The following EREG variants were observed in gnomAD, a reference collection of about 807,000 sequenced individuals.
EREG encodes the protein epiregulin.
Under a neutral mutation model 22.4 loss-of-function variants are expected in EREG, and 23 were observed. The observed-to-expected ratio is 1.03, with a 90% confidence interval of 0.74 to 1.46. The LOEUF (loss-of-function observed/expected upper bound fraction) is 1.46, where lower values mean the gene tolerates loss of function less well. Among genes scored for constraint, EREG ranks in the 40% most tolerant of loss-of-function variants. The pLI is 0.00. For missense variants in EREG, 226 were observed against 205.9 expected (o/e 1.10, Z -0.60); for synonymous variants, 100 against 75.4 (o/e 1.33, Z -1.69).
chr4:74,367,666 T>C lies in EREG; in HGVS notation c.67+2291T>C, dbSNP rs549142175. Among the ~76,000 whole-genome samples, 32 of 152,298 alleles carry C rather than the reference T, an allele frequency of 2.1e-4. No individual in the cohort carries two copies. In the South Asian group the frequency reaches 3.1e-3, roughly 15 times the overall value. On this transcript the variant is annotated intron_variant, in intron 1 of 4. Transcript: ENST00000244869. ...AGGAGCATAAATCTCAATGAGACAATAGGCTTGTCTTTGATCATTTCTGTT... is the reference window on the plus strand; with the variant it reads ...AGGAGCATAAATCTCAATGAGACAACAGGCTTGTCTTTGATCATTTCTGTT...
Position 74,384,904 on chromosome 4 carries a change from A to ATTGACCTAACACTT in EREG, c.*96_*97insTTGACCTAACACTT. ...TAATATTTATGTTGGGTCAAGTGTT[A>ATTGACCTAACACTT]GGTCAATAACACTGTATTTTAATGT... On this transcript the variant is annotated 3_prime_UTR_variant, in exon 5 of 5. Coordinates refer to ENST00000244869, the MANE Select transcript of EREG (RefSeq NM_001432.3). 2.8e-6 allele frequency: 2 copies of ATTGACCTAACACTT among 704,240 alleles called. No individual in the cohort carries two copies. Among genetic ancestry groups the ATTGACCTAACACTT allele is most frequent in the Non-Finnish European group, 4.9e-6 (2 of 408,816 alleles). The allele number at this position is 704,240 out of a possible 1,614,324, so 43.6% of individuals were successfully genotyped here. A position where few individuals can be genotyped will look rare whatever the true frequency, so the allele number is the denominator to read the frequency against.
At chr4:74,368,202 A>G (rs1752223528) in intron 1 of EREG, among the ~76,000 whole-genome samples, 1 of 152,152 alleles carries the variant, frequency 6.6e-6, no homozygotes, top group African/African-American at 2.4e-5. Flanking sequence ...CACATGTACA[A>G]ATGGACTTTC....
chr4:74,376,493 A>T (rs1485786829), intron 1 of EREG, among the ~76,000 whole-genome samples: 1 of 152,258 alleles, frequency 6.6e-6, no homozygotes, highest in East Asian at 1.9e-4. Flanking sequence ...ATTGGGATAT[A>T]AAACAAAATT....
intron 1 of EREG, among the ~76,000 whole-genome samples, chr4:74,369,828 A>T (rs1447048604): frequency 6.6e-6 from 1 of 152,162 alleles, no homozygotes; most frequent in South Asian, 2.1e-4. Flanking sequence ...ATCCGAAAAA[A>T]AAAAGGTTGT....
intron 1 of EREG, among the ~76,000 whole-genome samples, chr4:74,367,259 T>A (rs1219890296): frequency 1.3e-5 from 2 of 152,234 alleles, no homozygotes; most frequent in African/African-American, 4.8e-5. Context: ...TCTTGTTTTA[T>A]AAATTGGGGA....
At position 74,386,583 on chromosome 4, in the gene EREG, A is replaced by G. The variant is rs926794345; in HGVS notation, c.*1775A>G. On this transcript the variant is annotated 3_prime_UTR_variant, in exon 5 of 5. Transcript: ENST00000244869. ...TTATATAAAACTTAAAAACAAGAGAAAAGAAAAATCAATTAGATCTAAACA... is the reference window on the plus strand; with the variant it reads ...TTATATAAAACTTAAAAACAAGAGAGAAGAAAAATCAATTAGATCTAAACA... 1.2e-4 allele frequency: 19 copies of G among 152,314 alleles called. No homozygotes were observed. The highest frequency in any genetic ancestry group is 9.2e-4 in the Admixed American group (14 of 15,296). 9.4% of individuals were successfully genotyped at this position (152,314 alleles called of 1,614,324 possible).
At chr4:74,380,102 G>A (rs887282732) in intron 2 of EREG, among the ~76,000 whole-genome samples, 1 of 152,144 alleles carries the variant, frequency 6.6e-6, no homozygotes, top group Non-Finnish European at 1.5e-5. Context: ...ATGGTCCAAG[G>A]GGGATCAGCT....
At chr4:74,365,832 G>C (rs1161668709) in intron 1 of EREG, among the ~76,000 whole-genome samples, 2 of 152,098 alleles carry the variant, frequency 1.3e-5, no homozygotes, top group African/African-American at 4.8e-5. Context: ...CTTGCGCTCA[G>C]TTTTCTAAAA....
chr4:74,382,547 T>C, intron 3 of EREG, 98 bp from the exon 4 acceptor site: 1 of 936,696 alleles, frequency 1.1e-6, no homozygotes, highest in South Asian at 2.0e-5. Context: ...TGTTGATTTC[T>C]TGCATTACAG....
chr4:74,374,083 AAG>A, intron 1 of EREG, among the ~76,000 whole-genome samples: 2 of 152,332 alleles, frequency 1.3e-5, no homozygotes, highest in African/African-American at 4.8e-5. Context: ...AGTGTGAACA[AAG>A]AGGATTTTGC....
chr4:74,384,723 C>A lies in EREG; in HGVS notation c.429-4C>A, dbSNP rs751323778. The A allele has an allele frequency of 1.2e-4, 183 of 1,588,914 alleles. No individual in the cohort carries two copies. The highest frequency in any genetic ancestry group is 1.5e-4 in the Non-Finnish European group (176 of 1,157,672). ...CTAACAGTTTCGTTTGTGAATATTT[C>A]CAGGTACAGAAATCGAAAAAGTAAA... On this transcript the variant is annotated splice_polypyrimidine_tract_variant and splice_region_variant and intron_variant, in intron 4 of 4. Transcript: ENST00000244869.
At chr4:74,381,702 C>G (rs536513448) in intron 3 of EREG, 1 of 151,982 alleles carries the variant, frequency 6.6e-6, no homozygotes. Context: ...CCAGGCCGGA[C>G]GCGTTGGCTC....
At chr4:74,370,599 C>T (rs909484533) in intron 1 of EREG, among the ~76,000 whole-genome samples, 2 of 151,378 alleles carry the variant, frequency 1.3e-5, no homozygotes, top group South Asian at 4.2e-4. Context: ...TCAGTATTAA[C>T]TGAAGATATT....
At chr4:74,371,055 G>A (rs1257906047) in intron 1 of EREG, among the ~76,000 whole-genome samples, 2 of 152,104 alleles carry the variant, frequency 1.3e-5, no homozygotes, top group African/African-American at 4.8e-5. Context: ...AGCATCCCCA[G>A]TCGTGACAAC....
chr4:74,366,091 G>C (rs999695349), intron 1 of EREG, among the ~76,000 whole-genome samples: 1 of 152,008 alleles, frequency 6.6e-6, no homozygotes, highest in Non-Finnish European at 1.5e-5. Flanking sequence ...GCCTGTGATC[G>C]CTGAGGGTAT....
At chr4:74,381,210 T>C in intron 3 of EREG, 73 bp downstream of exon 3, 2 of 1,339,020 alleles carry the variant, frequency 1.5e-6, no homozygotes, top group Non-Finnish European at 2.1e-6. Context: ...AAGTGCAGAT[T>C]TGCTAGTGGA....
rs1752154912 is a variant in EREG at position 74,365,334 on chromosome 4, T to C, written c.26T>C (p.Met9Thr). 4.4e-6 allele frequency: 7 copies of C among 1,608,678 alleles called. No individual in the cohort carries two copies. The East Asian group carries it at 8.9e-5, about 20-fold the overall frequency. The stretch of plus-strand genomic sequence containing the variant: ...ATGACCGCGGGGAGGAGGATGGAGA[T>C]GCTCTGTGCCGGCAGGGTCCCTGCG... MTAGRRME[M>T]LCAGRVPALL... The change falls in exon 1 of 5, where the codon ATG (methionine) becomes ACG (threonine). Residue 9 changes from methionine to threonine, a missense_variant. Met to Thr is a moderately conservative substitution (Grantham distance 81, BLOSUM62 -1). Transcript: ENST00000244869.
At chr4:74,367,353 A>G (rs975254351) in intron 1 of EREG, among the ~76,000 whole-genome samples, 1 of 152,268 alleles carries the variant, frequency 6.6e-6, no homozygotes, top group Non-Finnish European at 1.5e-5. Flanking sequence ...CCTACTGAAC[A>G]TTAAGTAGAA....
intron 1 of EREG, among the ~76,000 whole-genome samples, chr4:74,371,466 T>C (rs550016908): frequency 6.6e-6 from 1 of 152,314 alleles, no homozygotes; most frequent in South Asian, 2.1e-4. Flanking sequence ...TTTACAACTC[T>C]ACTCTCTTAG....
Sources: gnomAD v4.1 joint callset for allele counts (sites outside exome capture counted in the v4.1 genomes callset) on GRCh38, gnomAD v4.1.1 for gene constraint, MANE v1.5 for transcripts, NCBI Gene and HGNC (gene_info 2026-07-23, HGNC 2026-07-21) for gene names.